The following SHISA6 variants were observed in gnomAD, a reference collection of about 807,000 sequenced individuals.
SHISA6 encodes shisa family member 6, also known as protein shisa-6.
SHISA6 carries 22 observed loss-of-function variants against 47.9 expected under a neutral mutation model. The ratio of observed to expected loss-of-function variants is 0.46; its 90% CI spans 0.33 to 0.66. The LOEUF (loss-of-function observed/expected upper bound fraction) is 0.66. Among genes scored for constraint, SHISA6 ranks in the 30% least tolerant of loss-of-function variants. The probability of loss-of-function intolerance (pLI) is 0.02; values close to 1 mark genes in which losing one functional copy is unlikely to be tolerated. For synonymous variants in SHISA6, 388 were observed against 337.8 expected (o/e 1.15, Z -1.63); for missense variants, 680 against 764.6 (o/e 0.89, Z 1.30).
intron 3 of SHISA6, among the ~76,000 whole-genome samples, chr17:11,523,058 G>A (rs1182435426): frequency 1.3e-5 from 2 of 152,108 alleles, no homozygotes; most frequent in Non-Finnish European, 2.9e-5. Context: ...CTTAGCAGAT[G>A]TTTAGTCTTG....
intron 3 of SHISA6, among the ~76,000 whole-genome samples, chr17:11,518,304 T>G (rs935598150): frequency 2.6e-5 from 4 of 152,174 alleles, no homozygotes; most frequent in African/African-American, 9.7e-5. Flanking sequence ...GCTGGGCACA[T>G]AGTGACATTA....
At chr17:11,394,932 A>G (rs1913515929) in intron 3 of SHISA6, among the ~76,000 whole-genome samples, 1 of 151,388 alleles carries the variant, frequency 6.6e-6, no homozygotes, top group South Asian at 2.1e-4. Flanking sequence ...ATTGTTTTAT[A>G]ATTGTTTTTC....
chr17:11,487,497 T>C (rs1240205664), intron 3 of SHISA6, among the ~76,000 whole-genome samples: 1 of 152,166 alleles, frequency 6.6e-6, no homozygotes, highest in Admixed American at 6.5e-5. Flanking sequence ...TGCTGCAGTA[T>C]TATCCTATCT....
In SHISA6 at chr17:11,505,464, T is replaced by A. The variant is rs543422362; in HGVS notation, c.896-46432T>A. 5.9e-5 allele frequency among the ~76,000 whole-genome samples: 9 copies of A among 152,332 alleles called. 1 individual carries two copies. The South Asian group carries it at 1.9e-3, about 32-fold the overall frequency. On this transcript the variant is annotated intron_variant, in intron 3 of 5. Transcript: ENST00000441885. ...GGAAAATCCCACAGTGCCTCTCTGT[T>A]CTTTCTTAAGAGCCTACCTACTCTT...
chr17:11,529,579 C>T (rs1337083566), intron 3 of SHISA6, among the ~76,000 whole-genome samples: 1 of 152,166 alleles, frequency 6.6e-6, no homozygotes, highest in Non-Finnish European at 1.5e-5. Flanking sequence ...TCTCTTTGAG[C>T]ATATCCCTAC....
At chr17:11,441,245 G>A (rs1428599466) in intron 3 of SHISA6, among the ~76,000 whole-genome samples, 1 of 152,176 alleles carries the variant, frequency 6.6e-6, no homozygotes, top group Non-Finnish European at 1.5e-5. Flanking sequence ...ACAAAATCAG[G>A]AGAGCAAACA....
chr17:11,370,652 A>T (rs1159696512), intron 2 of SHISA6, among the ~76,000 whole-genome samples: 4 of 151,974 alleles, frequency 2.6e-5, no homozygotes, highest in African/African-American at 9.7e-5. Context: ...ATCTGATGAG[A>T]TCTTCTGCTT....
chr17:11,535,800 G>C (rs942031456), intron 3 of SHISA6, among the ~76,000 whole-genome samples: 2 of 152,146 alleles, frequency 1.3e-5, no homozygotes, highest in Non-Finnish European at 2.9e-5. Flanking sequence ...TGAGCTCACA[G>C]ACTTGTTGTG....
At chr17:11,513,075 T>G (rs773004458) in intron 3 of SHISA6, among the ~76,000 whole-genome samples, 1 of 152,080 alleles carries the variant, frequency 6.6e-6, no homozygotes, top group Non-Finnish European at 1.5e-5. Flanking sequence ...TTATAGTGAT[T>G]GTATGAGTAC....
chr17:11,543,431 T>G (rs555361341), intron 3 of SHISA6, among the ~76,000 whole-genome samples: 7 of 152,252 alleles, frequency 4.6e-5, no homozygotes, highest in Non-Finnish European at 8.8e-5. Flanking sequence ...AAAACAATTT[T>G]TAAAGTATAA....
rs902941637 is a variant in SHISA6 at position 11,392,888 on chromosome 17, A to G, written c.895+13379A>G. 2.6e-5 allele frequency among the ~76,000 whole-genome samples: 4 copies of G among 152,216 alleles called. No homozygotes were observed. In the South Asian group the frequency reaches 6.2e-4, roughly 24 times the overall value. The stretch of plus-strand genomic sequence containing the variant: ...CCAGGATCCACAAAGAAGGCCCTAC[A>G]TGGCTGGGGCTGAATAAGGCAGGTT... On this transcript the variant is annotated intron_variant, in intron 3 of 5. Transcript: ENST00000441885.
chr17:11,287,446 G>C (rs965497110), intron 2 of SHISA6, among the ~76,000 whole-genome samples: 5 of 151,734 alleles, frequency 3.3e-5, no homozygotes, highest in African/African-American at 1.2e-4. Flanking sequence ...AGCACTTTGG[G>C]AGTGCGAGGC....
chr17:11,477,670 T>C (rs1916088512), intron 3 of SHISA6, among the ~76,000 whole-genome samples: 1 of 146,600 alleles, frequency 6.8e-6, no homozygotes, highest in Admixed American at 6.9e-5. Flanking sequence ...ATATGCGGTG[T>C]TTGGTTTTTT....
chr17:11,263,441 C>G lies in SHISA6; in HGVS notation c.714C>G (p.Ile238Met). 1.3e-6 allele frequency: 2 copies of G among 1,551,866 alleles called. No homozygotes were observed. The highest frequency in any genetic ancestry group is 1.7e-6 in the Non-Finnish European group (2 of 1,147,052). Residue 238 changes from isoleucine to methionine, a missense_variant, in exon 2 of 6, where the codon ATC becomes ATG. Transcript: ENST00000441885. ...GTGAAAGAGAAACTATCTCGGCTAT[C>G]GATACCTCTCCCAAAGAGAACACGC... ...AHCERETISA[I>M]DTSPKENTPV...
intron 3 of SHISA6, among the ~76,000 whole-genome samples, chr17:11,442,416 C>T (rs1915117686): frequency 1.3e-5 from 2 of 152,058 alleles, no homozygotes; most frequent in Admixed American, 6.6e-5. Context: ...CCATCAGAGC[C>T]CTGCTTCTGA....
At chr17:11,557,653 T>C in intron 5 of SHISA6, 101 bp from the exon 6 acceptor site, 1 of 1,173,312 alleles carries the variant, frequency 8.5e-7, no homozygotes. Flanking sequence ...CCCTTAAGGT[T>C]GACAGGTCTG....
At chr17:11,403,869 C>G (rs1477798154) in intron 3 of SHISA6, among the ~76,000 whole-genome samples, 2 of 152,146 alleles carry the variant, frequency 1.3e-5, no homozygotes, top group African/African-American at 4.8e-5. Flanking sequence ...CCTCAGAGAC[C>G]TCCTGCCAGT....
chr17:11,443,497 A>C (rs1340856964), intron 3 of SHISA6, among the ~76,000 whole-genome samples: 2 of 152,244 alleles, frequency 1.3e-5, no homozygotes, highest in African/African-American at 2.4e-5. Flanking sequence ...AAGGAGGCTA[A>C]GATCAGGCAA....
intron 3 of SHISA6, among the ~76,000 whole-genome samples, chr17:11,534,550 T>C (rs1434377809): frequency 1.3e-5 from 2 of 152,098 alleles, no homozygotes; most frequent in Non-Finnish European, 2.9e-5. Context: ...CATGTACATA[T>C]GTAATTATAA....
Sources: allele counts gnomAD v4.1 joint callset (sites outside exome capture counted in the v4.1 genomes callset), GRCh38; gene constraint gnomAD v4.1.1; transcripts MANE v1.5; gene names NCBI Gene and HGNC (gene_info 2026-07-23, HGNC 2026-07-21).